The following CD247 variants were observed in gnomAD, a reference collection of about 807,000 sequenced individuals.
CD247 encodes the protein T-cell surface glycoprotein CD3 zeta chain.
In CD247, 13 loss-of-function variants were observed where a neutral mutation model predicts 30.0. The observed-to-expected ratio is 0.43, with a 90% CI of 0.28 to 0.69. The LOEUF (loss-of-function observed/expected upper bound fraction) is 0.69, where lower values mean the gene tolerates loss of function less well. CD247 is among the 30% of genes least tolerant of loss of function. The probability of loss-of-function intolerance (pLI) is 0.16; values close to 1 mark genes in which losing one functional copy is unlikely to be tolerated. For missense variants in CD247, 193 were observed against 212.6 expected (o/e 0.91, Z 0.57); for synonymous variants, 72 against 80.0 (o/e 0.90, Z 0.53).
chr1:167,454,764 T>C (rs1211092377), intron 1 of CD247, among the ~76,000 whole-genome samples: 1 of 152,180 alleles, frequency 6.6e-6, no homozygotes, highest in African/African-American at 2.4e-5. Context: ...CCACTGCAAC[T>C]GTAAGCTGGA....
At chr1:167,504,337 A>G (rs565326459) in intron 1 of CD247, among the ~76,000 whole-genome samples, 2 of 152,364 alleles carry the variant, frequency 1.3e-5, no homozygotes, top group South Asian at 4.1e-4. Context: ...TAGAAATGTG[A>G]GTACTTTGAG....
At chr1:167,462,912 T>A (rs994935382) in intron 1 of CD247, among the ~76,000 whole-genome samples, 8 of 152,220 alleles carry the variant, frequency 5.3e-5, no homozygotes, top group African/African-American at 1.7e-4. Context: ...ACCAGCCTTA[T>A]TTTTTTCTCC....
intron 2 of CD247, chr1:167,440,387 C>T (rs1280862298): frequency 1.8e-5 from 9 of 502,496 alleles, no homozygotes; most frequent in East Asian, 1.1e-4. Flanking sequence ...CCAGTAGCAT[C>T]GCCTTCCCTG....
chr1:167,444,502 G>T (rs967499908), intron 1 of CD247, among the ~76,000 whole-genome samples: 2 of 152,136 alleles, frequency 1.3e-5, no homozygotes, highest in East Asian at 3.9e-4. Context: ...CCCTACCCAA[G>T]AGTACAGCAC....
intron 1 of CD247, among the ~76,000 whole-genome samples, chr1:167,453,026 A>G (rs1376973375): frequency 2.0e-5 from 1 of 50,902 alleles, no homozygotes; most frequent in East Asian, 5.9e-4. Flanking sequence ...TATATATTAT[A>G]GATATATATT....
At chr1:167,504,301 T>A (rs1450415206) in intron 1 of CD247, among the ~76,000 whole-genome samples, 1 of 152,242 alleles carries the variant, frequency 6.6e-6, no homozygotes, top group African/African-American at 2.4e-5. Flanking sequence ...TCTATCACTT[T>A]ACCAGCCAGG....
chr1:167,492,461 A>G lies in CD247; in HGVS notation c.58+25947T>C, dbSNP rs1654496386. Among the ~76,000 whole-genome samples, 3 of 152,218 alleles carry G rather than the reference A, an allele frequency of 2.0e-5. No homozygotes were observed. In the South Asian group the frequency reaches 6.2e-4, roughly 32 times the overall value. On this transcript the variant is annotated intron_variant, in intron 1 of 7. Transcript: ENST00000362089. ...GCTCTCAGAGACAAAGGTAGGCAAC[A>G]GTTTGCAAAATTTAGACGCTTATGT... is the stretch of plus-strand genomic sequence containing the variant.
chr1:167,487,300 C>G (rs1654253960), intron 1 of CD247, among the ~76,000 whole-genome samples: 1 of 152,010 alleles, frequency 6.6e-6, no homozygotes, highest in South Asian at 2.1e-4. Context: ...CGCTTGAATT[C>G]GGGAGGTGGA....
chr1:167,495,671 C>T (rs35915022), intron 1 of CD247, among the ~76,000 whole-genome samples: 350 of 152,178 alleles, frequency 2.3e-3, no homozygotes, highest in African/African-American at 8.2e-3. Flanking sequence ...ACTCTCTCCC[C>T]AAACCCCCAG....
intron 7 of CD247, among the ~76,000 whole-genome samples, chr1:167,432,413 T>G (rs1407554211): frequency 1.3e-5 from 2 of 152,148 alleles, no homozygotes; most frequent in Non-Finnish European, 2.9e-5. Flanking sequence ...AAGCTGGGCA[T>G]CCTGACACTA....
At chr1:167,453,010 C>CAT (rs1553230625) in intron 1 of CD247, among the ~76,000 whole-genome samples, 5 of 48,340 alleles carry the variant, frequency 1.0e-4, no homozygotes, top group Non-Finnish European at 1.7e-4. Flanking sequence ...TGTGTGTGTG[C>CAT]ATATATATAT....
At chr1:167,500,485 A>G (rs567177500) in intron 1 of CD247, among the ~76,000 whole-genome samples, 1 of 152,268 alleles carries the variant, frequency 6.6e-6, no homozygotes, top group East Asian at 1.9e-4. Context: ...GGTATGAATT[A>G]GAGAGGTGGC....
intron 1 of CD247, among the ~76,000 whole-genome samples, chr1:167,504,792 C>G (rs1458797670): frequency 6.6e-6 from 1 of 152,230 alleles, no homozygotes; most frequent in Non-Finnish European, 1.5e-5. Context: ...CATTAAAAAG[C>G]CCTTAAAAGG....
In CD247 at chr1:167,518,518, G is replaced by A. The variant is rs1246645881; in HGVS notation, c.-53C>T. On this transcript the variant is annotated 5_prime_UTR_variant, in exon 1 of 8. Coordinates refer to ENST00000362089, the MANE Select transcript of CD247 (RefSeq NM_198053.3). ...GGAGGCAGAGGCTGAGGCAGCGGTG[G>A]CCGGGACGGTTAGGAGAAAAGGAGT... is the stretch of plus-strand genomic sequence containing the variant. The A allele has an allele frequency of 4.6e-6, 7 of 1,516,568 alleles. 1 individual carries two copies. Among genetic ancestry groups the A allele is most frequent in the South Asian group, 4.5e-5 (4 of 89,156 alleles). 93.9% of individuals were successfully genotyped at this position (1,516,568 alleles called of 1,614,324 possible).
At chr1:167,453,769 A>T (rs549226575) in intron 1 of CD247, among the ~76,000 whole-genome samples, 51 of 152,150 alleles carry the variant, frequency 3.4e-4, no homozygotes, top group Non-Finnish European at 6.3e-4. Flanking sequence ...GGAGTTTGAG[A>T]CATAGCAAGA....
intron 1 of CD247, among the ~76,000 whole-genome samples, chr1:167,503,617 T>C (rs537465347): frequency 6.6e-6 from 1 of 152,336 alleles, no homozygotes; most frequent in South Asian, 2.1e-4. Flanking sequence ...TTTTGTAGTA[T>C]AGTATTAACA....
At chr1:167,470,778 A>G (rs1252280616) in intron 1 of CD247, among the ~76,000 whole-genome samples, 1 of 151,952 alleles carries the variant, frequency 6.6e-6, no homozygotes, top group African/African-American at 2.4e-5. Flanking sequence ...CCTTATTGTT[A>G]GAAATGCAGG....
At chr1:167,480,789 T>A (rs1468004804) in intron 1 of CD247, among the ~76,000 whole-genome samples, 1 of 152,272 alleles carries the variant, frequency 6.6e-6, no homozygotes, top group Non-Finnish European at 1.5e-5. Context: ...ATTTTGCTTT[T>A]GAAATTATTT....
At chr1:167,485,855 C>T (rs1200344046) in intron 1 of CD247, among the ~76,000 whole-genome samples, 1 of 152,078 alleles carries the variant, frequency 6.6e-6, no homozygotes, top group Non-Finnish European at 1.5e-5. Context: ...AGCTCTGAGA[C>T]CAAGAGGGCT....
Sources: gnomAD v4.1 joint callset for allele counts (sites outside exome capture counted in the v4.1 genomes callset) on GRCh38, gnomAD v4.1.1 for gene constraint, MANE v1.5 for transcripts, NCBI Gene and HGNC (gene_info 2026-07-23, HGNC 2026-07-21) for gene names.